Variants in RPS29 observed in about 807,000 individuals in gnomAD.
The protein encoded by RPS29 is ribosomal protein S29.
For synonymous variants in RPS29, 37 were observed against 26.9 expected (o/e 1.37, Z -1.16); for missense variants, 60 against 75.7 (o/e 0.79, Z 0.77).
chr14:49,590,407 C>A (rs1271736692), upstream of RPS29, among the ~76,000 whole-genome samples: 1 of 151,890 alleles, frequency 6.6e-6, no homozygotes, highest in Non-Finnish European at 1.5e-5. Context: ...ACCCAGGAGG[C>A]AGAGCTTGCA....
chr14:49,571,640 A>AT (rs1312292591), exon 3 of RPS29: 4 of 152,192 alleles, frequency 2.6e-5, no homozygotes, highest in African/African-American at 9.7e-5. Context: ...GATTCAATCA[A>AT]TTATACATAT....
intron 1 of RPS29, among the ~76,000 whole-genome samples, chr14:49,594,532 G>T (rs373841505): frequency 6.5e-4 from 99 of 152,306 alleles, no homozygotes; most frequent in South Asian, 1.5e-3. Context: ...CATTCAAAGA[G>T]TGTCACTGAT....
chr14:49,579,724 G>A (rs1881284074), downstream of RPS29, among the ~76,000 whole-genome samples: 1 of 152,160 alleles, frequency 6.6e-6, no homozygotes, highest in South Asian at 2.1e-4. Context: ...TGGTATGCAT[G>A]TAAATATGAA....
chr14:49,582,325 A>T (rs185265969), downstream of RPS29, among the ~76,000 whole-genome samples: 1 of 152,282 alleles, frequency 6.6e-6, no homozygotes, highest in East Asian at 1.9e-4. Flanking sequence ...CTACAGGGCT[A>T]CTACAGACCC....
chr14:49,598,583 C>T (rs560119935), exon 1 of RPS29: 160 of 702,062 alleles, frequency 2.3e-4, no homozygotes, highest in Middle Eastern at 1.1e-3. Flanking sequence ...AAGTGCCTTT[C>T]CCTGTAACGC....
intron 2 of RPS29, among the ~76,000 whole-genome samples, chr14:49,583,882 C>T (rs1217472060): frequency 6.6e-6 from 1 of 152,228 alleles, no homozygotes; most frequent in East Asian, 1.9e-4. Context: ...TTTAGTAACG[C>T]TATCGCACTT....
At chr14:49,588,998 T>C (rs1881655766), upstream of RPS29, among the ~76,000 whole-genome samples, 1 of 149,128 alleles carries the variant, frequency 6.7e-6, no homozygotes, top group Admixed American at 6.7e-5. Flanking sequence ...TTCACGCCAT[T>C]CTCCTGCCTC....
upstream of RPS29, among the ~76,000 whole-genome samples, chr14:49,589,529 T>C (rs1383702054): frequency 6.6e-6 from 1 of 152,246 alleles, no homozygotes; most frequent in Non-Finnish European, 1.5e-5. Context: ...TCTGTGATCA[T>C]CCATCCAGAA....
intron 2 of RPS29, among the ~76,000 whole-genome samples, chr14:49,583,876 G>GT (rs1594571300): frequency 6.6e-6 from 1 of 152,302 alleles, no homozygotes; most frequent in East Asian, 1.9e-4. Flanking sequence ...ACGATTTTTA[G>GT]TAACGCTATC....
downstream of RPS29, among the ~76,000 whole-genome samples, chr14:49,581,394 A>G (rs533754923): frequency 1.3e-5 from 2 of 152,252 alleles, no homozygotes; most frequent in Middle Eastern, 3.4e-3. Context: ...TGTCTAAGAC[A>G]AGTCTCAAAG....
intron 1 of RPS29, 88 bp from the exon 2 acceptor site, chr14:49,586,137 C>G: frequency 1.4e-6 from 2 of 1,417,856 alleles, no homozygotes; most frequent in Non-Finnish European, 2.0e-6. Context: ...CCGGGACTCC[C>G]AAGCCACAGT....
chr14:49,588,139 C>G (rs1413297967), upstream of RPS29, among the ~76,000 whole-genome samples: 1 of 152,102 alleles, frequency 6.6e-6, no homozygotes, highest in Non-Finnish European at 1.5e-5. Flanking sequence ...TAGTTGGTCT[C>G]CACAATATTT....
At chr14:49,580,417 T>C (rs899656665), downstream of RPS29, among the ~76,000 whole-genome samples, 6 of 152,168 alleles carry the variant, frequency 3.9e-5, no homozygotes, top group African/African-American at 1.4e-4. Flanking sequence ...TCCTAGACAC[T>C]TCCCCAACAC....
intron 2 of RPS29, chr14:49,585,581 T>TC (rs886562607): frequency 4.1e-5 from 13 of 315,764 alleles, no homozygotes; most frequent in African/African-American, 7.2e-5. Flanking sequence ...AGACCCTATC[T>TC]CTAAAAAAAA....
At chr14:49,587,272 C>G (rs1372868984), upstream of RPS29, among the ~76,000 whole-genome samples, 1 of 152,058 alleles carries the variant, frequency 6.6e-6, no homozygotes, top group African/African-American at 2.4e-5. Context: ...TTGCTTTGAC[C>G]AGATAATTTG....
upstream of RPS29, among the ~76,000 whole-genome samples, chr14:49,588,897 T>C (rs1348151044): frequency 6.2e-5 from 8 of 128,534 alleles, no homozygotes; most frequent in African/African-American, 1.7e-4. Context: ...TTTTTTTTTT[T>C]TTTTTGAGAC....
At chr14:49,586,429 G>T, upstream of RPS29, 1 of 1,235,752 alleles carries the variant, frequency 8.1e-7, no homozygotes, top group African/African-American at 1.5e-5. Context: ...AGTTTACCCA[G>T]AATGCAGTGC....
Position 49,583,818 on chromosome 14 carries a change from GT to G in RPS29, c.163-144del. On this transcript the variant is annotated intron_variant, in intron 2 of 2. Transcript: ENST00000245458. ...TCCAAACCACACCAGATTCTATGTA[GT>G]TTAAATATTTACTGAATGCCTACTC... 3 of 550,314 alleles carry G rather than the reference GT, an allele frequency of 5.5e-6. No individual in the cohort carries two copies. The South Asian group carries it at 7.7e-5, about 14-fold the overall frequency. The allele number at this position is 550,314 out of a possible 1,614,324, so 34.1% of individuals were successfully genotyped here.
upstream of RPS29, among the ~76,000 whole-genome samples, chr14:49,589,140 G>A (rs145058173): frequency 7.3e-3 from 1,109 of 151,834 alleles, 19 homozygotes; most frequent in African/African-American, 0.025. Flanking sequence ...TGATCCGCCC[G>A]CCTCGACCTC....
Sources: allele counts gnomAD v4.1 joint callset (sites outside exome capture counted in the v4.1 genomes callset), GRCh38; gene constraint gnomAD v4.1.1; transcripts MANE v1.5; gene names NCBI Gene and HGNC (gene_info 2026-07-23, HGNC 2026-07-21).